MYRIP: variants seen among roughly 807,000 people sequenced by gnomAD.
MYRIP encodes rab effector MyRIP.
In MYRIP, 49 loss-of-function variants were observed where a neutral mutation model predicts 98.0. The ratio of observed to expected loss-of-function variants is 0.50; its 90% CI spans 0.40 to 0.63. The LOEUF is 0.63. MYRIP is among the 30% of genes least tolerant of loss of function. The pLI, the probability that MYRIP is intolerant of heterozygous loss-of-function variation, is 0.00. For synonymous variants in MYRIP, 404 were observed against 409.5 expected (o/e 0.99, Z 0.16); for missense variants, 1,004 against 1,058.2 (o/e 0.95, Z 0.71).
chr3:40,059,160 A>G (rs1947947761), intron 3 of MYRIP, among the ~76,000 whole-genome samples: 1 of 151,988 alleles, frequency 6.6e-6, no homozygotes, highest in African/African-American at 2.4e-5. Flanking sequence ...TATGTGCCAC[A>G]TTTTCTTTAT....
At chr3:40,110,556 G>A (rs914858464) in intron 3 of MYRIP, among the ~76,000 whole-genome samples, 1 of 152,210 alleles carries the variant, frequency 6.6e-6, no homozygotes, top group South Asian at 2.1e-4. Context: ...TGCTGCAGCT[G>A]AGGTCAGAAG....
At chr3:39,994,891 G>A (rs1232102938) in intron 2 of MYRIP, among the ~76,000 whole-genome samples, 1 of 152,208 alleles carries the variant, frequency 6.6e-6, no homozygotes, top group East Asian at 1.9e-4. Flanking sequence ...AATATCTGCT[G>A]TTCTGCAGCC....
At chr3:39,907,994 A>T (rs73074771) in intron 2 of MYRIP, among the ~76,000 whole-genome samples, 5,023 of 152,304 alleles carry the variant, frequency 0.033, 120 homozygotes, top group Non-Finnish European at 0.042. Flanking sequence ...TCTGGTGTTC[A>T]AACTGAGTCT....
intron 3 of MYRIP, among the ~76,000 whole-genome samples, chr3:40,082,944 T>A (rs1331411447): frequency 6.6e-6 from 1 of 152,182 alleles, no homozygotes; most frequent in Non-Finnish European, 1.5e-5. Flanking sequence ...GCCAGAATAA[T>A]ATTGGATCAT....
intron 2 of MYRIP, among the ~76,000 whole-genome samples, chr3:40,032,987 G>C (rs1485427170): frequency 6.6e-6 from 1 of 151,840 alleles, no homozygotes; most frequent in African/African-American, 2.4e-5. Flanking sequence ...TATCTCAATA[G>C]ATGCAGAAAA....
intron 3 of MYRIP, among the ~76,000 whole-genome samples, chr3:40,135,330 A>AG (rs1949740602): frequency 6.6e-6 from 1 of 152,208 alleles, no homozygotes; most frequent in East Asian, 1.9e-4. Context: ...AGAAGTTTAG[A>AG]GAAAAAAGAA....
At chr3:39,850,092 G>A (rs911744586) in intron 1 of MYRIP, among the ~76,000 whole-genome samples, 3 of 152,212 alleles carry the variant, frequency 2.0e-5, no homozygotes. Context: ...GTGTCTCACA[G>A]GGAGTCGAGT....
intron 1 of MYRIP, among the ~76,000 whole-genome samples, chr3:39,825,248 A>G (rs1941228738): frequency 6.6e-6 from 1 of 152,186 alleles, no homozygotes; most frequent in Non-Finnish European, 1.5e-5. Context: ...AAGTGGTGAT[A>G]GTGGACATCC....
intron 2 of MYRIP, among the ~76,000 whole-genome samples, chr3:39,945,401 TG>T (rs1356253057): frequency 7.5e-6 from 1 of 133,640 alleles, no homozygotes; most frequent in Non-Finnish European, 1.5e-5. Flanking sequence ...CACTTGAACC[TG>T]GGAGGCAGAG....
In MYRIP at chr3:39,814,115, G is replaced by A. The variant is rs189285789; in HGVS notation, c.-31+4199G>A. On this transcript the variant is annotated intron_variant, in intron 1 of 16. Coordinates refer to ENST00000302541, the MANE Select transcript of MYRIP (RefSeq NM_015460.4). ...GTAGAAATGTACAAGAGTGTGTCTT[G>A]GGCATATATCCTCAGAAGGGGAACA... Among the ~76,000 whole-genome samples the A allele has an allele frequency of 6.2e-4, 94 of 152,182 alleles. 1 individual carries two copies. The highest frequency in any genetic ancestry group is 5.9e-4 in the Non-Finnish European group (40 of 68,016).
intron 8 of MYRIP, among the ~76,000 whole-genome samples, chr3:40,179,555 TAC>T (rs1433899671): frequency 3.3e-5 from 5 of 152,236 alleles, no homozygotes; most frequent in Non-Finnish European, 7.3e-5. Flanking sequence ...TTCAGTGATT[TAC>T]AGTGAGAAGC....
intron 4 of MYRIP, among the ~76,000 whole-genome samples, chr3:40,154,530 C>A (rs1250030532): frequency 6.6e-6 from 1 of 152,022 alleles, no homozygotes; most frequent in East Asian, 1.9e-4. Flanking sequence ...TCTAATAGAC[C>A]CAGCATGACT....
At chr3:40,214,768 T>C (rs1343876814) in intron 11 of MYRIP, among the ~76,000 whole-genome samples, 2 of 152,188 alleles carry the variant, frequency 1.3e-5, no homozygotes, top group African/African-American at 4.8e-5. Context: ...TGAACAGCCA[T>C]GCCAATGGTT....
At chr3:39,919,755 A>G (rs924511633) in intron 2 of MYRIP, among the ~76,000 whole-genome samples, 6 of 150,800 alleles carry the variant, frequency 4.0e-5, no homozygotes, top group Admixed American at 2.0e-4. Flanking sequence ...AGAGAAATTC[A>G]TTGATGACTG....
intron 2 of MYRIP, among the ~76,000 whole-genome samples, chr3:39,947,595 C>T (rs935309949): frequency 1.3e-5 from 2 of 152,090 alleles, no homozygotes; most frequent in African/African-American, 4.8e-5. Flanking sequence ...ATGGTTTCAC[C>T]TGGGAGCTTG....
chr3:40,038,378 TAGAA>T (rs1947431257), intron 2 of MYRIP, among the ~76,000 whole-genome samples: 1 of 151,976 alleles, frequency 6.6e-6, no homozygotes, highest in Non-Finnish European at 1.5e-5. Context: ...CTCAAACCAG[TAGAA>T]AGAAGAAATA....
At chr3:39,901,377 C>T (rs1022384208) in intron 2 of MYRIP, among the ~76,000 whole-genome samples, 1 of 152,150 alleles carries the variant, frequency 6.6e-6, no homozygotes, top group Admixed American at 6.5e-5. Context: ...AGGAAACTGA[C>T]CACCAGGCTG....
At chr3:39,915,554 C>T (rs899742481) in intron 2 of MYRIP, among the ~76,000 whole-genome samples, 3 of 151,854 alleles carry the variant, frequency 2.0e-5, no homozygotes. Flanking sequence ...GAATTTCAAC[C>T]AAGAGATTTT....
intron 1 of MYRIP, among the ~76,000 whole-genome samples, chr3:39,871,257 C>A (rs538491193): frequency 1.2e-4 from 19 of 152,290 alleles, no homozygotes; most frequent in African/African-American, 4.6e-4. Flanking sequence ...TTGGTTTAGC[C>A]AAGGGCTTCA....
Sources: allele counts gnomAD v4.1 joint callset (sites outside exome capture counted in the v4.1 genomes callset), GRCh38; gene constraint gnomAD v4.1.1; transcripts MANE v1.5; gene names NCBI Gene and HGNC (gene_info 2026-07-23, HGNC 2026-07-21).